EPB41L1: variants seen among roughly 807,000 people sequenced by gnomAD.
EPB41L1 encodes the protein erythrocyte membrane protein band 4.1 like 1.
EPB41L1 carries 29 observed loss-of-function variants against 97.8 expected under a neutral mutation model. The ratio of observed to expected loss-of-function variants is 0.30; its 90% confidence interval spans 0.22 to 0.40. The LOEUF is 0.40. EPB41L1 is among the 10% of genes least tolerant of loss of function. The pLI, the probability that EPB41L1 is intolerant of heterozygous loss-of-function variation, is 1.00. For synonymous variants in EPB41L1, 383 were observed against 459.2 expected (o/e 0.83, Z 2.12); for missense variants, 812 against 1,162.3 (o/e 0.70, Z 4.38).
Position 36,175,631 on chromosome 20 carries a change from G to A in EPB41L1, c.258G>A (p.Ser86=), listed in dbSNP as rs767481392. ...CCACGCCCAGCAAGGCCCAGAAATCGCCCCAGAAGATTGCCAAGAAATACA... is the reference window on the plus strand; with the variant it reads ...CCACGCCCAGCAAGGCCCAGAAATCACCCCAGAAGATTGCCAAGAAATACA... ...ERTTPSKAQK[S]PQKIAKKYKS... is the part of the protein sequence containing the mutation. Residue 86 remains serine, a synonymous_variant, in exon 3 of 22, where the codon TCG becomes TCA. Coordinates refer to ENST00000338074, the MANE Select transcript of EPB41L1 (RefSeq NM_012156.2). The A allele has an allele frequency of 3.2e-5, 52 of 1,614,080 alleles. No homozygotes were observed. The highest frequency in any genetic ancestry group is 1.0e-4 in the Admixed American group (6 of 60,004).
chr20:36,159,781 T>C (rs1332547855), intron 1 of EPB41L1, among the ~76,000 whole-genome samples: 1 of 152,188 alleles, frequency 6.6e-6, no homozygotes, highest in Admixed American at 6.5e-5. Context: ...GACAGAGAGG[T>C]TCCCAGTGAG....
chr20:36,198,257 C>T (rs1332405748), intron 14 of EPB41L1, among the ~76,000 whole-genome samples: 1 of 152,138 alleles, frequency 6.6e-6, no homozygotes, highest in African/African-American at 2.4e-5. Flanking sequence ...ACATGAAAAA[C>T]TCAAGACTCA....
At position 36,190,168 on chromosome 20, in the gene EPB41L1, C is replaced by G; in HGVS notation, c.1027-109C>G. ...TCCACCCTGGGCAAATGATCGAGACCCTGTGTCTCAAAAAAACATTAAACA... is the reference window on the plus strand; with the variant it reads ...TCCACCCTGGGCAAATGATCGAGACGCTGTGTCTCAAAAAAACATTAAACA... On this transcript the variant is annotated intron_variant, in intron 9 of 21. Coordinates refer to ENST00000338074, the MANE Select transcript of EPB41L1 (RefSeq NM_012156.2). The surrounding 1 kb of genome is among the most constrained non-coding windows in gnomAD (Gnocchi z 5.8). 2 of 891,448 alleles carry G rather than the reference C, an allele frequency of 2.2e-6. No individual in the cohort carries two copies. Among genetic ancestry groups the G allele is most frequent in the Non-Finnish European group, 1.8e-6 (1 of 549,276 alleles). 55.2% of individuals were successfully genotyped at this position (891,448 alleles called of 1,614,324 possible). A position where few individuals can be genotyped will look rare whatever the true frequency, so the allele number is the denominator to read the frequency against.
At chr20:36,118,542 A>T (rs1489060935) in intron 2 of EPB41L1, among the ~76,000 whole-genome samples, 3 of 152,184 alleles carry the variant, frequency 2.0e-5, no homozygotes. Context: ...TTGCCAGAAC[A>T]ACTGGGATTC....
Position 36,140,020 on chromosome 20 carries a change from G to A in EPB41L1, c.-10+27540G>A, listed in dbSNP as rs188853052. Among the ~76,000 whole-genome samples the A allele has an allele frequency of 3.4e-3, 510 of 151,280 alleles. 3 individuals carry two copies. The highest frequency in any genetic ancestry group is 0.012 in the Admixed American group (185 of 15,210). ...GCTGGGATTGCAGGCATGAGCCACCGTGCCCGGCCTAGGTGGTTTTTTTTT... is the reference window on the plus strand; with the variant it reads ...GCTGGGATTGCAGGCATGAGCCACCATGCCCGGCCTAGGTGGTTTTTTTTT... On this transcript the variant is annotated intron_variant, in intron 2 of 19. Transcript: ENST00000202028.
At chr20:36,219,975 A>G (rs1456087951) in intron 19 of EPB41L1, 131 bp downstream of exon 19, 2 of 848,204 alleles carry the variant, frequency 2.4e-6, no homozygotes, top group Non-Finnish European at 3.9e-6. Flanking sequence ...AGCTTCTGGA[A>G]TACTGTGCGC....
chr20:36,173,688 G>C (rs986408682), intron 1 of EPB41L1, 76 bp from the exon 2 acceptor site: 2 of 1,329,188 alleles, frequency 1.5e-6, no homozygotes, highest in African/African-American at 2.9e-5. Context: ...CTCTCTCCGC[G>C]TGTGGTTCCT....
chr20:36,184,250 G>A (rs1342763819), intron 6 of EPB41L1, among the ~76,000 whole-genome samples: 2 of 151,486 alleles, frequency 1.3e-5, no homozygotes, highest in African/African-American at 4.9e-5. Context: ...AAGAAAAAAA[G>A]AAAAAGAAAT....
intron 2 of EPB41L1, among the ~76,000 whole-genome samples, chr20:36,131,844 T>C (rs531151168): frequency 1.3e-5 from 2 of 152,236 alleles, no homozygotes; most frequent in East Asian, 3.9e-4. Flanking sequence ...GTTTATGGCG[T>C]AGGTGGCCCT....
At chr20:36,163,185 T>A (rs1353354441) in intron 1 of EPB41L1, among the ~76,000 whole-genome samples, 1 of 151,808 alleles carries the variant, frequency 6.6e-6, no homozygotes, top group Admixed American at 6.6e-5. Context: ...CCGAAAGTAA[T>A]ACATGCTCAT....
chr20:36,155,146 G>C (rs1172458434), intron 1 of EPB41L1: 2 of 461,240 alleles, frequency 4.3e-6, no homozygotes, highest in South Asian at 1.5e-5. Context: ...TAGGATGAGC[G>C]GTGGGTGGGC....
intron 1 of EPB41L1, among the ~76,000 whole-genome samples, chr20:36,164,183 C>G (rs918702689): frequency 6.6e-6 from 1 of 152,138 alleles, no homozygotes; most frequent in Non-Finnish European, 1.5e-5. Context: ...AACCAGAAAC[C>G]AGGAGGCAAG....
intron 2 of EPB41L1, among the ~76,000 whole-genome samples, chr20:36,126,032 A>G (rs1053756982): frequency 7.2e-5 from 11 of 152,170 alleles, no homozygotes; most frequent in African/African-American, 2.7e-4. Flanking sequence ...TGACGAGATT[A>G]TAAAACCGAA....
chr20:36,176,479 T>C (rs982226347), intron 3 of EPB41L1, among the ~76,000 whole-genome samples: 3 of 152,202 alleles, frequency 2.0e-5, no homozygotes, highest in Non-Finnish European at 2.9e-5. Flanking sequence ...GTGTCCTTGC[T>C]ACTGAGATAT....
intron 2 of EPB41L1, among the ~76,000 whole-genome samples, chr20:36,147,338 A>T (rs969575382): frequency 6.6e-6 from 1 of 152,242 alleles, no homozygotes; most frequent in Non-Finnish European, 1.5e-5. Flanking sequence ...TGCACAGATC[A>T]TAAGTTTACA....
intron 14 of EPB41L1, chr20:36,205,801 G>C (rs1000304630): frequency 8.0e-7 from 1 of 1,249,672 alleles, no homozygotes; most frequent in African/African-American, 1.6e-5. Context: ...CCATTCTTCA[G>C]GTACCTGATA....
At chr20:36,140,666 A>G (rs2059603797) in intron 2 of EPB41L1, among the ~76,000 whole-genome samples, 1 of 152,164 alleles carries the variant, frequency 6.6e-6, no homozygotes, top group South Asian at 2.1e-4. Context: ...ATGCCCTAGG[A>G]TTTGGCTTCT....
In EPB41L1 at chr20:36,093,399, C is replaced by G. The variant is rs1179443841; in HGVS notation, c.-65+1787C>G. ...GTGCGCGTGTGAGTGCGGGTGTGCT[C>G]CCGCGTAGCCCCCGTGTGCGTGTGC... On this transcript the variant is annotated intron_variant, in intron 1 of 19. Transcript: ENST00000202028. This position sits in a 1 kb window ranked among gnomAD's most constrained non-coding sequence, Gnocchi z 5.4. Among the ~76,000 whole-genome samples the G allele has an allele frequency of 6.7e-6, 1 of 149,064 alleles. No individual in the cohort carries two copies. The highest frequency in any genetic ancestry group is 6.7e-5 in the Admixed American group (1 of 15,012).
rs541751933 is a variant in EPB41L1 at position 36,115,504 on chromosome 20, T to C, written c.-10+3024T>C. The stretch of plus-strand genomic sequence containing the variant: ...AGGAGATGTCAAGACAAATCATCCA[T>C]AAACCTGCCTGAAAGGTCATCATCA... On this transcript the variant is annotated intron_variant, in intron 2 of 19. Transcript: ENST00000202028. Among the ~76,000 whole-genome samples the C allele has an allele frequency of 3.1e-4, 47 of 152,336 alleles. 1 individual carries two copies. The South Asian group carries it at 9.8e-3, about 32-fold the overall frequency.
Sources: allele counts gnomAD v4.1 joint callset (sites outside exome capture counted in the v4.1 genomes callset), GRCh38; gene constraint gnomAD v4.1.1; non-coding constraint Gnocchi (gnomAD v3.1); transcripts MANE v1.5; gene names NCBI Gene and HGNC (gene_info 2026-07-23, HGNC 2026-07-21).